The following SCN9A variants were observed in gnomAD, a reference collection of about 807,000 sequenced individuals.
The protein encoded by SCN9A is sodium channel protein type 9 subunit alpha.
A neutral mutation model predicts 187.0 loss-of-function variants in SCN9A; 131 were observed. The observed-to-expected ratio is 0.70, with a 90% confidence interval of 0.61 to 0.81. SCN9A has a LOEUF of 0.81. SCN9A is among the 30% of genes least tolerant of loss of function. SCN9A has a pLI of 0.00. For synonymous variants in SCN9A, 809 were observed against 808.6 expected (o/e 1.00, Z -0.01); for missense variants, 2,252 against 2,396.6 (o/e 0.94, Z 1.26).
chr2:166,354,328 A>G (rs1389812550), intron 1 of SCN9A, among the ~76,000 whole-genome samples: 4 of 151,272 alleles, frequency 2.6e-5, no homozygotes, highest in African/African-American at 9.8e-5. Flanking sequence ...AAACAACACT[A>G]TCTGCTTAGG....
At chr2:166,221,524 C>T (rs1694583249) in intron 24 of SCN9A, among the ~76,000 whole-genome samples, 1 of 152,076 alleles carries the variant, frequency 6.6e-6, no homozygotes, top group Non-Finnish European at 1.5e-5. Flanking sequence ...CCTCAGGCTC[C>T]TAAGTAGCTA....
intron 26 of SCN9A, among the ~76,000 whole-genome samples, chr2:166,203,553 A>C (rs2106345315): frequency 6.6e-6 from 1 of 152,026 alleles, no homozygotes; most frequent in East Asian, 1.9e-4. Flanking sequence ...TCACAAATTC[A>C]CAGATATTCT....
chr2:166,348,721 C>A (rs1195417310), intron 1 of SCN9A, among the ~76,000 whole-genome samples: 1 of 152,132 alleles, frequency 6.6e-6, no homozygotes, highest in Non-Finnish European at 1.5e-5. Flanking sequence ...TCCCACCCAC[C>A]TATCTAGGAC....
At chr2:166,218,035 A>G (rs1179892674) in intron 24 of SCN9A, among the ~76,000 whole-genome samples, 3 of 151,918 alleles carry the variant, frequency 2.0e-5, no homozygotes, top group Admixed American at 2.0e-4. Flanking sequence ...AATGGCCAAA[A>G]CCGCAATTAC....
At chr2:166,238,354 G>T (rs1429915606) in intron 19 of SCN9A, 87 bp from the exon 20 acceptor site, 4 of 856,414 alleles carry the variant, frequency 4.7e-6, no homozygotes, top group Non-Finnish European at 7.2e-6. Flanking sequence ...CAATTCTAAT[G>T]CTAAGACTGC....
intron 19 of SCN9A, among the ~76,000 whole-genome samples, chr2:166,240,342 G>T (rs1281798460): frequency 6.6e-6 from 1 of 152,126 alleles, no homozygotes; most frequent in Admixed American, 6.5e-5. Context: ...ATGGGGGTTT[G>T]CTATACTTTT....
rs1281216048 is a variant in SCN9A at position 166,311,616 on chromosome 2, TG to T, written c.140del (p.Pro47GlnfsTer43). 6.2e-7 allele frequency: 1 copy of T among 1,613,184 alleles called. No homozygotes were observed. The highest frequency in any genetic ancestry group is 8.5e-7 in the Non-Finnish European group (1 of 1,179,738). ...CAGCTTCCAAGTCACTGCTTGGCTTTGGGGCTTCTTCATCATCATCTTTCTT... is the reference window on the plus strand; with the variant it reads ...CAGCTTCCAAGTCACTGCTTGGCTTTGGGCTTCTTCATCATCATCTTTCTT... Reference protein sequence around the residue: ...EEKKDDDEEAPKPSSDLEAGK... With the variant: ...EEKKDDDEEAXKPSSDLEAGK... On this transcript the variant is annotated frameshift_variant, in exon 2 of 27. Coordinates refer to ENST00000642356, the MANE Select transcript of SCN9A (RefSeq NM_001365536.1). LOFTEE classifies it high-confidence loss of function.
At chr2:166,365,429 C>T (rs536991033) in intron 1 of SCN9A, among the ~76,000 whole-genome samples, 1 of 152,268 alleles carries the variant, frequency 6.6e-6, no homozygotes, top group African/African-American at 2.4e-5. Context: ...AAAGAGCACA[C>T]TCATCCCTTT....
chr2:166,289,949 G>A (rs1697966445), intron 9 of SCN9A, among the ~76,000 whole-genome samples: 1 of 152,122 alleles, frequency 6.6e-6, no homozygotes, highest in African/African-American at 2.4e-5. Flanking sequence ...TGAAGAACAT[G>A]CAGGTTGGTT....
intron 24 of SCN9A, among the ~76,000 whole-genome samples, chr2:166,223,714 T>C (rs1396735724): frequency 6.6e-6 from 1 of 152,178 alleles, no homozygotes; most frequent in Non-Finnish European, 1.5e-5. Context: ...GTTAAGCAGG[T>C]AGATCTCATA....
In SCN9A at chr2:166,277,301, C is replaced by T. The variant is rs754155029; in HGVS notation, c.2556G>A (p.Leu852=). 2 of 1,610,968 alleles carry T rather than the reference C, an allele frequency of 1.2e-6. No individual in the cohort carries two copies. Among genetic ancestry groups the T allele is most frequent in the Non-Finnish European group, 1.7e-6 (2 of 1,177,530 alleles). The change falls in exon 16 of 27, where the codon TTG becomes TTA. Residue 852 remains leucine, a synonymous_variant. Coordinates refer to ENST00000642356, the MANE Select transcript of SCN9A (RefSeq NM_001365536.1). ...VFKLAKSWPT[L]NMLIKIIGNS... Reference sequence around the variant, plus strand: ...TACCAATGATCTTAATCAGCATGTTCAATGTTGGCCAGGATTTTGCCAACT... The same window carrying T: ...TACCAATGATCTTAATCAGCATGTTTAATGTTGGCCAGGATTTTGCCAACT...
chr2:166,257,362 A>G lies in SCN9A; in HGVS notation c.3352-5477T>C, dbSNP rs184006854. Among the ~76,000 whole-genome samples, 10 of 151,792 alleles carry G rather than the reference A, an allele frequency of 6.6e-5. 1 individual carries two copies. In the South Asian group the frequency reaches 1.0e-3, roughly 16 times the overall value. ...GAAACAAACAAGAATGACAAACACA[A>G]AGTAAGCTACCTAGATATCTGAATC... On this transcript the variant is annotated intron_variant, in intron 17 of 26. Coordinates refer to ENST00000642356, the MANE Select transcript of SCN9A (RefSeq NM_001365536.1).
intron 24 of SCN9A, among the ~76,000 whole-genome samples, chr2:166,217,304 A>T (rs1694375312): frequency 6.6e-6 from 1 of 152,098 alleles, no homozygotes; most frequent in Admixed American, 6.6e-5. Context: ...CTGGGCAAGG[A>T]TTTCTTGGCT....
In SCN9A at chr2:166,284,813, G is replaced by T. The variant is rs937170630; in HGVS notation, c.1614C>A (p.Ser538Arg). 1.7e-5 allele frequency: 27 copies of T among 1,609,104 alleles called. No homozygotes were observed. The highest frequency in any genetic ancestry group is 2.3e-5 in the Non-Finnish European group (27 of 1,178,588). ...TTGCAGAAAACAAGGAGCCACGAATGCTGAGTGGTGACTGCAGAAAAATTA... is the reference window on the plus strand; with the variant it reads ...TTGCAGAAAACAAGGAGCCACGAATTCTGAGTGGTGACTGCAGAAAAATTA... ...RLSTPNQSPL[S>R]IRGSLFSARR... Residue 538 changes from serine (S) to arginine (R), a missense_variant, in exon 12 of 27, where the codon AGC becomes AGA. Ser to Arg is a moderately radical substitution (Grantham distance 110, BLOSUM62 -1). Coordinates refer to ENST00000642356, the MANE Select transcript of SCN9A (RefSeq NM_001365536.1).
intron 1 of SCN9A, among the ~76,000 whole-genome samples, chr2:166,364,762 G>A (rs1208103730): frequency 6.6e-6 from 1 of 152,136 alleles, no homozygotes; most frequent in Non-Finnish European, 1.5e-5. Context: ...GGTGGTGATC[G>A]TGTACAACAT....
intron 1 of SCN9A, among the ~76,000 whole-genome samples, chr2:166,353,009 G>GTTTTT (rs10638743): frequency 6.8e-6 from 1 of 148,016 alleles, no homozygotes; most frequent in Non-Finnish European, 1.5e-5. Context: ...CATTGTATCT[G>GTTTTT]TTTTTTTTTT....
In SCN9A at chr2:166,208,546, A is replaced by AAC. The variant is rs57527839; in HGVS notation, c.4399-4083_4399-4082insGT. On this transcript the variant is annotated intron_variant, in intron 24 of 26. Coordinates refer to ENST00000642356, the MANE Select transcript of SCN9A (RefSeq NM_001365536.1). ...CAAATTTGTAATTATATATTTGTAT[A>AAC]TCATGTAATCTTCCTTTTTATAACT... Among the ~76,000 whole-genome samples the AAC allele has an allele frequency of 2.3e-3, 347 of 152,096 alleles. 3 individuals carry two copies. Among genetic ancestry groups the AAC allele is most frequent in the African/African-American group, 7.3e-3 (303 of 41,490 alleles).
intron 21 of SCN9A, among the ~76,000 whole-genome samples, chr2:166,232,687 G>T (rs576342995): frequency 2.6e-5 from 4 of 151,358 alleles, no homozygotes; most frequent in African/African-American, 9.7e-5. Context: ...GGATTACTGT[G>T]ATTAACTTAT....
chr2:166,276,502 C>T (rs1365001545), intron 16 of SCN9A: 6 of 152,138 alleles, frequency 3.9e-5, no homozygotes, highest in Non-Finnish European at 7.3e-5. Context: ...ATTCTTAGCT[C>T]CCAGGGCCAC....
Sources: gnomAD v4.1 joint callset for allele counts (sites outside exome capture counted in the v4.1 genomes callset) on GRCh38, gnomAD v4.1.1 for gene constraint, MANE v1.5 for transcripts, NCBI Gene and HGNC (gene_info 2026-07-23, HGNC 2026-07-21) for gene names.